GATA3: variants seen among roughly 807,000 people sequenced by gnomAD.
GATA3 encodes GATA binding protein 3.
In GATA3, 6 loss-of-function variants were observed where a neutral mutation model predicts 36.0. That is an observed-to-expected ratio of 0.17 (90% CI 0.09 to 0.33). The LOEUF (loss-of-function observed/expected upper bound fraction) is 0.33. GATA3 is among the 10% of genes least tolerant of loss of function. GATA3 has a pLI of 1.00. For missense variants in GATA3, 514 were observed against 610.1 expected (o/e 0.84, Z 1.66); for synonymous variants, 326 against 273.0 (o/e 1.19, Z -1.92).
chr10:8,048,507 T>C (rs1239182693), intron 1 of GATA3, among the ~76,000 whole-genome samples: 1 of 151,696 alleles, frequency 6.6e-6, no homozygotes, highest in Non-Finnish European at 1.5e-5. Flanking sequence ...TGGCTAGGAG[T>C]CACTGATGCC....
chr10:8,046,973 G>A (rs1315877245), intron 1 of GATA3, among the ~76,000 whole-genome samples: 2 of 152,172 alleles, frequency 1.3e-5, no homozygotes, highest in Non-Finnish European at 2.9e-5. Flanking sequence ...CCTCCACTCT[G>A]CACAAGAGAT....
At position 8,058,507 on chromosome 10, in the gene GATA3, G is replaced by T. The variant is rs758531534; in HGVS notation, c.444G>T (p.Pro148=). ...SSSLSGGHAS[P]HLFTFPPTPP... is the part of the protein sequence containing the mutation. Reference sequence around the variant, plus strand: ...CCTTGTCGGGGGGCCACGCCAGCCCGCACCTCTTCACCTTCCCGCCCACCC... The same window carrying T: ...CCTTGTCGGGGGGCCACGCCAGCCCTCACCTCTTCACCTTCCCGCCCACCC... The change falls in exon 3 of 6, where the codon CCG becomes CCT. Residue 148 remains proline, a synonymous_variant. Transcript: ENST00000379328. The T allele has an allele frequency of 2.5e-6, 4 of 1,611,816 alleles. No homozygotes were observed. Among genetic ancestry groups the T allele is most frequent in the African/African-American group, 2.7e-5 (2 of 74,846 alleles).
At chr10:8,062,905 C>T (rs1441641648) in intron 3 of GATA3, among the ~76,000 whole-genome samples, 3 of 152,154 alleles carry the variant, frequency 2.0e-5, no homozygotes, top group South Asian at 2.1e-4. Context: ...TAGAAAGCAT[C>T]TTTCTCTTCC....
rs1832603212 is a variant in GATA3, at chr10:8,055,156, G to A, written c.-369-131G>A. The A allele has an allele frequency of 8.8e-6, 2 of 226,178 alleles. No homozygotes were observed. The highest frequency in any genetic ancestry group is 1.3e-4 in the South Asian group (1 of 7,786). 14.0% of individuals were successfully genotyped at this position (226,178 alleles called of 1,614,324 possible). Reference sequence around the variant, plus strand: ...CAGGGACGTCCCCGAGAGCCCTGCGGGCTCCGCGGCCGTGTCCCCGCGCTC... The same window carrying A: ...CAGGGACGTCCCCGAGAGCCCTGCGAGCTCCGCGGCCGTGTCCCCGCGCTC... On this transcript the variant is annotated intron_variant, in intron 1 of 5. Transcript: ENST00000379328. The surrounding 1 kb of genome is among the most constrained non-coding windows in gnomAD (Gnocchi z 5.4).
chr10:8,057,380 A>C (rs544147489), intron 2 of GATA3, among the ~76,000 whole-genome samples: 13 of 152,336 alleles, frequency 8.5e-5, no homozygotes, highest in African/African-American at 3.1e-4. Flanking sequence ...TGCGTTTTAA[A>C]TGAAGGCTAA....
intron 2 of GATA3, among the ~76,000 whole-genome samples, chr10:8,056,847 T>G (rs1292782865): frequency 1.3e-5 from 2 of 152,100 alleles, no homozygotes; most frequent in Non-Finnish European, 2.9e-5. Flanking sequence ...TCGAACACTT[T>G]CCAGCTCTAA....
chr10:8,058,114 C>T (rs1448070183), intron 2 of GATA3, among the ~76,000 whole-genome samples, 191 bp from the exon 3 acceptor site: 3 of 152,180 alleles, frequency 2.0e-5, no homozygotes. Flanking sequence ...AGGATTCTGT[C>T]CCCAGCCTGA....
intron 3 of GATA3, among the ~76,000 whole-genome samples, chr10:8,059,614 T>C (rs1357046845): frequency 6.6e-6 from 1 of 152,222 alleles, no homozygotes; most frequent in African/African-American, 2.4e-5. Flanking sequence ...GGAAAAGTGC[T>C]CCAGGTGTGT....
At chr10:8,064,167 T>C (rs2131501438) in intron 4 of GATA3, 29 bp downstream of exon 4, 2 of 1,613,942 alleles carry the variant, frequency 1.2e-6, no homozygotes, top group Non-Finnish European at 1.7e-6. Context: ...ATGGATTCCA[T>C]GCTGACCATT....
chr10:8,064,806 G>C (rs1832809286), intron 4 of GATA3, among the ~76,000 whole-genome samples: 1 of 152,174 alleles, frequency 6.6e-6, no homozygotes, highest in African/African-American at 2.4e-5. Context: ...CTGGCATTTG[G>C]TCTTCTTTTC....
chr10:8,061,089 C>T (rs489160), intron 3 of GATA3, among the ~76,000 whole-genome samples: 83,443 of 145,542 alleles, frequency 0.57, 23,716 homozygotes, highest in South Asian at 0.64. Flanking sequence ...CTCTCTCTCT[C>T]TTTTTTACCC....
At position 8,058,751 on chromosome 10, in the gene GATA3, A is replaced by G; in HGVS notation, c.688A>G (p.Ser230Gly). 6.2e-7 allele frequency: 1 copy of G among 1,611,384 alleles called. No individual in the cohort carries two copies. Reference sequence around the variant, plus strand: ...CTACCCGCCCTACGTGCCCGAGTACAGCTCCGGACTCTTCCCCCCCAGCAG... The same window carrying G: ...CTACCCGCCCTACGTGCCCGAGTACGGCTCCGGACTCTTCCCCCCCAGCAG... ...TTYPPYVPEY[S>G]SGLFPPSSLL... Residue 230 changes from serine (S) to glycine (G), a missense_variant, in exon 3 of 6, where the codon AGC (serine) becomes GGC (glycine). By Grantham distance (56) the Ser-to-Gly change is moderately conservative. Transcript: ENST00000379328.
In GATA3 at chr10:8,074,046, GC is replaced by G; in HGVS notation, c.*28del. The G allele has an allele frequency of 6.2e-7, 1 of 1,612,982 alleles. No homozygotes were observed. Among genetic ancestry groups the G allele is most frequent in the Non-Finnish European group, 8.5e-7 (1 of 1,179,444 alleles). ...TAGAGCCCTGCTCGATGCTCACAGG[GC>G]CCCCAGCGAGAGTCCCTGCAGTCCC... On this transcript the variant is annotated 3_prime_UTR_variant, in exon 6 of 6. Coordinates refer to ENST00000379328, the MANE Select transcript of GATA3 (RefSeq NM_001002295.2).
chr10:8,050,767 G>A (rs892334783), upstream of GATA3: 7 of 306,738 alleles, frequency 2.3e-5, no homozygotes, highest in Admixed American at 8.3e-5. Context: ...ACGATTTCGC[G>A]CGCGCTCTGC....
At chr10:8,060,073 C>A (rs1832722321) in intron 3 of GATA3, among the ~76,000 whole-genome samples, 1 of 152,188 alleles carries the variant, frequency 6.6e-6, no homozygotes, top group African/African-American at 2.4e-5. Context: ...ACTCTGGGAG[C>A]CCAGTGACCA....
intron 5 of GATA3, among the ~76,000 whole-genome samples, chr10:8,069,879 T>C (rs1057427108): frequency 2.2e-5 from 3 of 139,196 alleles, no homozygotes; most frequent in African/African-American, 9.0e-5. Context: ...GCCTGTGTGG[T>C]TTATAAGGAA....
At chr10:8,061,823 G>T (rs1016988516) in intron 3 of GATA3, among the ~76,000 whole-genome samples, 1 of 152,174 alleles carries the variant, frequency 6.6e-6, no homozygotes, top group Non-Finnish European at 1.5e-5. Flanking sequence ...CCAGCACCAG[G>T]GTGCCCAGGA....
At chr10:8,070,550 A>T (rs1832915003) in intron 5 of GATA3, among the ~76,000 whole-genome samples, 1 of 152,076 alleles carries the variant, frequency 6.6e-6, no homozygotes, top group African/African-American at 2.4e-5. Context: ...TCTCTTGGCC[A>T]ACCTGACTTT....
At chr10:8,064,252 C>A in intron 4 of GATA3, 114 bp downstream of exon 4, 5 of 1,212,870 alleles carry the variant, frequency 4.1e-6, no homozygotes, top group Non-Finnish European at 4.8e-6. Context: ...CCAATCGTGT[C>A]AGCTGGCTTG....
Sources: allele counts gnomAD v4.1 joint callset (sites outside exome capture counted in the v4.1 genomes callset), GRCh38; gene constraint gnomAD v4.1.1; non-coding constraint Gnocchi (gnomAD v3.1); transcripts MANE v1.5; gene names NCBI Gene and HGNC (gene_info 2026-07-23, HGNC 2026-07-21).